UBE3C: variants seen among roughly 807,000 people sequenced by gnomAD.
The protein encoded by UBE3C is ubiquitin protein ligase E3C, also known as ubiquitin-protein ligase E3C.
Under a neutral mutation model 129.4 loss-of-function variants are expected in UBE3C, and 42 were observed. The observed-to-expected ratio is 0.32, with a 90% CI of 0.25 to 0.42. UBE3C has a LOEUF of 0.42. Ranked by LOEUF, UBE3C falls within the 10% of genes least tolerant of loss-of-function variation. The pLI, the probability that UBE3C is intolerant of heterozygous loss-of-function variation, is 1.00. For synonymous variants in UBE3C, 510 were observed against 492.4 expected (o/e 1.04, Z -0.47); for missense variants, 1,049 against 1,319.1 (o/e 0.80, Z 3.17).
In UBE3C at chr7:157,267,833, A is replaced by T; in HGVS notation, c.*78A>T. 7.7e-7 allele frequency: 1 copy of T among 1,301,230 alleles called. No individual in the cohort carries two copies. The highest frequency in any genetic ancestry group is 2.6e-5 in the East Asian group (1 of 38,754). The allele number at this position is 1,301,230 out of a possible 1,614,324, so 80.6% of individuals were successfully genotyped here. A position where few individuals can be genotyped will look rare whatever the true frequency, so the allele number is the denominator to read the frequency against. The stretch of plus-strand genomic sequence containing the variant: ...AGCGCCTCCCCAGACCCACGAGGAT[A>T]CTCACACTGCACGCCTGAGGCTCTC... On this transcript the variant is annotated 3_prime_UTR_variant, in exon 23 of 23. Transcript: ENST00000348165.
intron 11 of UBE3C, 74 bp downstream of exon 11, chr7:157,201,881 A>G: frequency 2.3e-6 from 3 of 1,308,548 alleles, no homozygotes; most frequent in South Asian, 1.3e-5. Context: ...ATGTTGCCAG[A>G]ACCTGTTTTT....
intron 22 of UBE3C, among the ~76,000 whole-genome samples, chr7:157,267,364 G>T (rs961514804): frequency 3.3e-5 from 5 of 152,220 alleles, no homozygotes; most frequent in African/African-American, 9.6e-5. Context: ...AGAGGTTGCA[G>T]TGAGCTGAGA....
intron 11 of UBE3C, among the ~76,000 whole-genome samples, 154 bp downstream of exon 11, chr7:157,201,961 G>T (rs1809297840): frequency 6.6e-6 from 1 of 152,056 alleles, no homozygotes; most frequent in Admixed American, 6.5e-5. Context: ...TGCACAAAAA[G>T]AAAAATCAGT....
chr7:157,207,489 A>T lies in UBE3C; in HGVS notation c.1510A>T (p.Ser504Cys). The T allele has an allele frequency of 6.2e-7, 1 of 1,613,652 alleles. No individual in the cohort carries two copies. Among genetic ancestry groups the T allele is most frequent in the Non-Finnish European group, 8.5e-7 (1 of 1,179,948 alleles). ...AATCATCCCACTCTTTTATCTTTTT[A>T]GCTCCTTGTTTAGTCATTCACTAAT... is the stretch of plus-strand genomic sequence containing the variant. ...SRIIPLFYLF[S>C]SLFSHSLISI... Residue 504 changes from serine (S) to cysteine (C), a missense_variant, in exon 12 of 23, where the codon AGC becomes TGC. Physicochemically the swap from Ser to Cys is moderately radical, Grantham distance 112 (BLOSUM62 -1). Transcript: ENST00000348165.
chr7:157,226,005 A>C (rs1477598853), intron 17 of UBE3C, among the ~76,000 whole-genome samples: 3 of 152,178 alleles, frequency 2.0e-5, no homozygotes, highest in Non-Finnish European at 4.4e-5. Flanking sequence ...TAATATTTCT[A>C]AAATTGACAG....
At position 157,207,494 on chromosome 7, in the gene UBE3C, C is replaced by A; in HGVS notation, c.1515C>A (p.Ser505=). 6.2e-7 allele frequency: 1 copy of A among 1,613,750 alleles called. No homozygotes were observed. Among genetic ancestry groups the A allele is most frequent in the Non-Finnish European group, 8.5e-7 (1 of 1,179,964 alleles). Residue 505 remains serine (S), a synonymous_variant, in exon 12 of 23, where the codon TCC becomes TCA. Transcript: ENST00000348165. ...RIIPLFYLFS[S]LFSHSLISIH... The stretch of plus-strand genomic sequence containing the variant: ...TCCCACTCTTTTATCTTTTTAGCTC[C>A]TTGTTTAGTCATTCACTAATTTCCA...
chr7:157,159,703 A>G (rs183535974), intron 1 of UBE3C, among the ~76,000 whole-genome samples: 1 of 152,306 alleles, frequency 6.6e-6, no homozygotes, highest in Non-Finnish European at 1.5e-5. Context: ...CCTTGTCTCT[A>G]CTAAAAATAC....
chr7:157,145,571 C>G (rs1807582959), intron 1 of UBE3C, among the ~76,000 whole-genome samples: 1 of 152,150 alleles, frequency 6.6e-6, no homozygotes, highest in Non-Finnish European at 1.5e-5. Flanking sequence ...CCTCCCATCC[C>G]TGTAACACCT....
At chr7:157,172,383 A>C (rs115160101) in intron 4 of UBE3C, among the ~76,000 whole-genome samples, 1,938 of 152,324 alleles carry the variant, frequency 0.013, 44 homozygotes, top group African/African-American at 0.045. Context: ...TCTGTGTTAA[A>C]AATTTCAAAT....
intron 1 of UBE3C, among the ~76,000 whole-genome samples, chr7:157,144,350 G>A (rs1476144016): frequency 6.6e-6 from 1 of 152,126 alleles, no homozygotes; most frequent in Admixed American, 6.5e-5. Context: ...GAAAAGCACC[G>A]GAAGATTGGA....
intron 1 of UBE3C, among the ~76,000 whole-genome samples, chr7:157,152,344 CTT>C (rs1166214828): frequency 6.6e-6 from 1 of 152,092 alleles, no homozygotes; most frequent in African/African-American, 2.4e-5. Flanking sequence ...ATTAATGAGA[CTT>C]AGGTTTTAGA....
Position 157,216,967 on chromosome 7 carries a change from A to T in UBE3C, c.1910A>T (p.Asp637Val). 1 of 1,610,174 alleles carries T rather than the reference A, an allele frequency of 6.2e-7. No homozygotes were observed. Among genetic ancestry groups the T allele is most frequent in the Non-Finnish European group, 8.5e-7 (1 of 1,176,952 alleles). ...TCAGAACAAGAAGATATTAAAGCAG[A>T]TAAGGTGTTATTGAAAGATCTTTTT... ...WLSEQEDIKA[D>V]KVTQLYVPAS... The change falls in exon 14 of 23, where the codon GAT becomes GTT. Residue 637 changes from aspartate (D) to valine (V), a missense_variant. By Grantham distance (152) the Asp-to-Val change is radical. Transcript: ENST00000348165.
intron 1 of UBE3C, among the ~76,000 whole-genome samples, chr7:157,147,673 G>C (rs1468171169): frequency 7.9e-5 from 12 of 152,132 alleles, no homozygotes; most frequent in African/African-American, 2.7e-4. Context: ...ATGATGTTTG[G>C]TGGGTTTTTT....
At chr7:157,212,730 G>T (rs545329224) in intron 13 of UBE3C, among the ~76,000 whole-genome samples, 18 of 152,258 alleles carry the variant, frequency 1.2e-4, no homozygotes, top group Non-Finnish European at 2.2e-4. Flanking sequence ...TAGAGCATGT[G>T]TAACAGTTGT....
At chr7:157,153,152 C>T (rs970054209) in intron 1 of UBE3C, among the ~76,000 whole-genome samples, 2 of 152,064 alleles carry the variant, frequency 1.3e-5, no homozygotes, top group South Asian at 2.1e-4. Flanking sequence ...GAGCAGAGAT[C>T]GCACCACTTC....
intron 1 of UBE3C, among the ~76,000 whole-genome samples, chr7:157,150,389 AAG>A (rs1554419770): frequency 6.6e-6 from 1 of 152,152 alleles, no homozygotes; most frequent in Non-Finnish European, 1.5e-5. Flanking sequence ...AAAAAAAAAA[AAG>A]AGTCTAACAA....
chr7:157,224,040 A>T (rs1408776247), intron 16 of UBE3C, among the ~76,000 whole-genome samples: 1 of 151,400 alleles, frequency 6.6e-6, no homozygotes, highest in Non-Finnish European at 1.5e-5. Flanking sequence ...ACAGGATCTC[A>T]CTCTGTCACC....
intron 1 of UBE3C, among the ~76,000 whole-genome samples, chr7:157,158,342 A>G (rs565805458): frequency 2.6e-5 from 4 of 152,294 alleles, no homozygotes; most frequent in South Asian, 2.1e-4. Flanking sequence ...CCATGCACTC[A>G]TACTTTATTT....
chr7:157,225,335 G>A (rs767864696), intron 16 of UBE3C, 72 bp from the exon 17 acceptor site: 1 of 1,506,792 alleles, frequency 6.6e-7, no homozygotes, highest in Non-Finnish European at 8.9e-7. Context: ...ATAAGATTTA[G>A]CAGTTTATTC....
Sources: gnomAD v4.1 joint callset for allele counts (sites outside exome capture counted in the v4.1 genomes callset) on GRCh38, gnomAD v4.1.1 for gene constraint, MANE v1.5 for transcripts, NCBI Gene and HGNC (gene_info 2026-07-23, HGNC 2026-07-21) for gene names.